Variants in SCAP observed in about 807,000 individuals in gnomAD.
The protein encoded by SCAP is sterol regulatory element-binding protein cleavage-activating protein.
SCAP carries 65 observed loss-of-function variants against 123.6 expected under a neutral mutation model. The ratio of observed to expected loss-of-function variants is 0.53; its 90% CI spans 0.43 to 0.65. The LOEUF is 0.65. SCAP is among the 30% of genes least tolerant of loss of function. SCAP has a pLI of 0.00. For synonymous variants in SCAP, 740 were observed against 726.3 expected, an observed-to-expected ratio of 1.02 and a Z score of -0.30; for missense variants, 1,398 against 1,712.5, an observed-to-expected ratio of 0.82 and a Z score of 3.24.
At chr3:47,476,383 C>T (rs1396796667), upstream of SCAP, among the ~76,000 whole-genome samples, 3 of 152,148 alleles carry the variant, frequency 2.0e-5, no homozygotes, top group African/African-American at 7.2e-5. Flanking sequence ...ATCACCTGAG[C>T]CCGGGAGGTC....
At chr3:47,463,538 C>T (rs1461906018) in intron 1 of SCAP, among the ~76,000 whole-genome samples, 1 of 151,966 alleles carries the variant, frequency 6.6e-6, no homozygotes, top group East Asian at 1.9e-4. Flanking sequence ...CTTGTGTCTA[C>T]TAAAAATACA....
intron 5 of SCAP, 46 bp from the exon 6 acceptor site, chr3:47,427,308 T>C: frequency 6.4e-7 from 1 of 1,564,240 alleles, no homozygotes; most frequent in Non-Finnish European, 8.8e-7. Flanking sequence ...TGACAGCTAC[T>C]GCAGAGCCAC....
chr3:47,417,683 G>C lies in SCAP; in HGVS notation c.2591C>G (p.Pro864Arg), dbSNP rs1705656439. The change falls in exon 17 of 23, where the codon CCT (proline) becomes CGT (arginine). Residue 864 changes from proline to arginine, a missense_variant. Coordinates refer to ENST00000265565, the MANE Select transcript of SCAP (RefSeq NM_012235.4). ...LRHRPRGPPP[P>R]SLFGDQPDLT... ...GTCAGGCTGGTCCCCGAAGAGGGAA[G>C]GCGGCGGAGGGCCCCGGGGGCGGTG... 6.2e-7 allele frequency: 1 copy of C among 1,608,560 alleles called. No individual in the cohort carries two copies. Among genetic ancestry groups the C allele is most frequent in the Non-Finnish European group, 8.5e-7 (1 of 1,178,654 alleles).
At chr3:47,423,156 A>C (rs1290913696) in intron 9 of SCAP, among the ~76,000 whole-genome samples, 1 of 152,222 alleles carries the variant, frequency 6.6e-6, no homozygotes. Context: ...GGCTGCCTAC[A>C]GCCCCATTCC....
intron 1 of SCAP, among the ~76,000 whole-genome samples, chr3:47,465,613 T>G (rs1167404419): frequency 6.6e-6 from 1 of 151,608 alleles, no homozygotes; most frequent in Non-Finnish European, 1.5e-5. Context: ...TACAAAAAAT[T>G]TTTTAATTAG....
At chr3:47,443,417 G>C (rs1159595434) in intron 1 of SCAP, 6 of 184,974 alleles carry the variant, frequency 3.2e-5, no homozygotes, top group Admixed American at 3.2e-4. Flanking sequence ...CTGTGTAACA[G>C]ACGTCACCTT....
At chr3:47,476,568 G>A (rs1708277538), upstream of SCAP, among the ~76,000 whole-genome samples, 1 of 152,190 alleles carries the variant, frequency 6.6e-6, no homozygotes, top group Non-Finnish European at 1.5e-5. Flanking sequence ...AAAAGCATAA[G>A]TTGACATTTA....
intron 6 of SCAP, among the ~76,000 whole-genome samples, 196 bp downstream of exon 6, chr3:47,426,961 A>G (rs1016540419): frequency 6.6e-6 from 1 of 152,108 alleles, no homozygotes; most frequent in Non-Finnish European, 1.5e-5. Context: ...ATGCTTAACC[A>G]GCTGTCAGGT....
In SCAP at chr3:47,419,439, C is replaced by CTG; in HGVS notation, c.1827_1828dup (p.Ser610ThrfsTer7). The CTG allele has an allele frequency of 6.2e-7, 1 of 1,613,968 alleles. No homozygotes were observed. Among genetic ancestry groups the CTG allele is most frequent in the Non-Finnish European group, 8.5e-7 (1 of 1,180,008 alleles). On this transcript the variant is annotated frameshift_variant, in exon 13 of 23. Coordinates refer to ENST00000265565, the MANE Select transcript of SCAP (RefSeq NM_012235.4). LOFTEE classifies it high-confidence loss of function. The surrounding 1 kb of genome is among the most constrained non-coding windows in gnomAD (Gnocchi z 5.0). ...CCCCCAGGTTACCTCTGGGACTGGG[C>CTG]TGTCATGGACAACCTCTGCTGGACC...
rs755734453 is a variant in SCAP at position 47,418,855 on chromosome 3, C to CA, written c.1941-13dup. On this transcript the variant is annotated splice_polypyrimidine_tract_variant and intron_variant, in intron 13 of 22. Transcript: ENST00000265565. ...GCAGGCTGATGTACCTGGATTCGGACAGTGGGCAGCCTCAGCGGGGGGCCT... is the reference window on the plus strand; with the variant it reads ...GCAGGCTGATGTACCTGGATTCGGACAAGTGGGCAGCCTCAGCGGGGGGCCT... 2 of 1,511,936 alleles carry CA rather than the reference C, an allele frequency of 1.3e-6. No homozygotes were observed. The highest frequency in any genetic ancestry group is 2.3e-5 in the Admixed American group (1 of 43,800). 93.7% of individuals were successfully genotyped at this position (1,511,936 alleles called of 1,614,324 possible). A position where few individuals can be genotyped will look rare whatever the true frequency, so the allele number is the denominator to read the frequency against.
intron 1 of SCAP, among the ~76,000 whole-genome samples, chr3:47,469,245 A>C (rs2108025723): frequency 6.6e-6 from 1 of 152,290 alleles, no homozygotes; most frequent in East Asian, 1.9e-4. Context: ...CTACTTGGTA[A>C]GCTGAGACAG....
At chr3:47,427,384 A>T in intron 5 of SCAP, 63 bp downstream of exon 5, 1 of 1,580,790 alleles carries the variant, frequency 6.3e-7, no homozygotes, top group Non-Finnish European at 8.7e-7. Flanking sequence ...CTAAGCACAC[A>T]TCAAAAAGAC....
At chr3:47,437,333 G>A (rs1264940899) in intron 2 of SCAP, among the ~76,000 whole-genome samples, 1 of 141,050 alleles carries the variant, frequency 7.1e-6, no homozygotes, top group Non-Finnish European at 1.5e-5. Flanking sequence ...CAGCTACTCA[G>A]AAGGCTGAGG....
In SCAP at chr3:47,474,658, G is replaced by A. The variant is rs147323191; in HGVS notation, c.-99+1141C>T. On this transcript the variant is annotated intron_variant, in intron 1 of 22. Coordinates refer to ENST00000265565, the MANE Select transcript of SCAP (RefSeq NM_012235.4). ...AAAAAAATACAAAAATTAGCCGGGCGTGGTGGCACACACCTGCTGTCCCAG... is the reference window on the plus strand; with the variant it reads ...AAAAAAATACAAAAATTAGCCGGGCATGGTGGCACACACCTGCTGTCCCAG... Among the ~76,000 whole-genome samples, 1,161 of 152,116 alleles carry A rather than the reference G, an allele frequency of 7.6e-3. 15 individuals carry two copies. The highest frequency in any genetic ancestry group is 0.027 in the African/African-American group (1,129 of 41,488).
intron 1 of SCAP, among the ~76,000 whole-genome samples, chr3:47,473,729 AC>A (rs1471809814): frequency 6.6e-6 from 1 of 152,136 alleles, no homozygotes; most frequent in Non-Finnish European, 1.5e-5. Flanking sequence ...AAAGTCTACC[AC>A]CAAATGTTAA....
At chr3:47,455,360 C>T (rs752635396) in intron 1 of SCAP, among the ~76,000 whole-genome samples, 48 of 151,330 alleles carry the variant, frequency 3.2e-4, no homozygotes, top group Middle Eastern at 6.9e-3. Context: ...CTTGGGAGGC[C>T]GAGATGGGCA....
chr3:47,452,044 C>T (rs1426027417), intron 1 of SCAP, among the ~76,000 whole-genome samples: 2 of 152,124 alleles, frequency 1.3e-5, no homozygotes, highest in South Asian at 2.1e-4. Context: ...ATCACTTCTA[C>T]AAAAAGACCT....
chr3:47,464,073 T>A (rs1309731398), intron 1 of SCAP, among the ~76,000 whole-genome samples: 2 of 152,148 alleles, frequency 1.3e-5, no homozygotes, highest in East Asian at 3.9e-4. Context: ...TGGAGTACAG[T>A]GGCATGATCT....
chr3:47,453,712 T>G (rs112034859), intron 1 of SCAP, among the ~76,000 whole-genome samples: 176 of 152,236 alleles, frequency 1.2e-3, no homozygotes, highest in African/African-American at 4.0e-3. Context: ...TACGCCCCCA[T>G]GTTACCCATC....
Sources: allele counts gnomAD v4.1 joint callset (sites outside exome capture counted in the v4.1 genomes callset), GRCh38; gene constraint gnomAD v4.1.1; non-coding constraint Gnocchi (gnomAD v3.1); transcripts MANE v1.5; gene names NCBI Gene and HGNC (gene_info 2026-07-23, HGNC 2026-07-21).